The following ZNF704 variants were observed in gnomAD, a reference collection of about 807,000 sequenced individuals.
The protein encoded by ZNF704 is glucocorticoid induced gene 1.
A neutral mutation model predicts 44.7 loss-of-function variants in ZNF704; 10 were observed. The observed-to-expected ratio is 0.22, with a 90% CI of 0.14 to 0.38. ZNF704 has a LOEUF of 0.38. Ranked by LOEUF, ZNF704 falls within the 10% of genes least tolerant of loss-of-function variation. ZNF704 has a pLI of 1.00. For missense variants in ZNF704, 390 were observed against 545.5 expected (o/e 0.71, Z 2.84); for synonymous variants, 211 against 207.6 (o/e 1.02, Z -0.14).
chr8:80,659,342 A>G (rs185975207), intron 7 of ZNF704, among the ~76,000 whole-genome samples: 1 of 152,350 alleles, frequency 6.6e-6, no homozygotes, highest in African/African-American at 2.4e-5. Flanking sequence ...AAATCTTGAT[A>G]TATTTCCAAC....
intron 2 of ZNF704, among the ~76,000 whole-genome samples, chr8:80,718,314 C>T (rs985724287): frequency 2.6e-5 from 4 of 152,130 alleles, no homozygotes; most frequent in Non-Finnish European, 5.9e-5. Flanking sequence ...CCCCCTAATG[C>T]TTTGAACTTT....
rs1221340563 is a variant in ZNF704 at position 80,631,938 on chromosome 8, G to GA, written c.*9427dup. 6.6e-6 allele frequency: 1 copy of GA among 152,150 alleles called. No individual in the cohort carries two copies. Among genetic ancestry groups the GA allele is most frequent in the Non-Finnish European group, 1.5e-5 (1 of 68,018 alleles). The allele number at this position is 152,150 out of a possible 1,614,324, so 9.4% of individuals were successfully genotyped here. ...ATGTCCCATCAGGGGCTTTGGAACT[G>GA]AAAAAACATTAACAACAGCCTGGCC... On this transcript the variant is annotated 3_prime_UTR_variant, in exon 9 of 9. Transcript: ENST00000327835.
intron 2 of ZNF704, among the ~76,000 whole-genome samples, chr8:80,798,181 G>A (rs1807838965): frequency 6.6e-6 from 1 of 151,940 alleles, no homozygotes; most frequent in Admixed American, 6.6e-5. Context: ...ATAACAAGAA[G>A]GGCCTTTACA....
chr8:80,645,693 T>A (rs1318425305), intron 7 of ZNF704, among the ~76,000 whole-genome samples: 1 of 152,140 alleles, frequency 6.6e-6, no homozygotes, highest in African/African-American at 2.4e-5. Context: ...CCCTGAGGCC[T>A]CCCCAGAAGC....
In ZNF704 at chr8:80,874,385, A is replaced by AGCCCGCGCGCGCCTCTCCCGGCCGGCTGC. The variant is rs1172998757; in HGVS notation, c.-22+157_-22+185dup. ...CTGCGCTCCATGCGGCCGGCGGCCGAGCCCGCGCGCGCCTCTCCCGGCCGG... is the reference window on the plus strand; with the variant it reads ...CTGCGCTCCATGCGGCCGGCGGCCGAGCCCGCGCGCGCCTCTCCCGGCCGGCTGCGCCCGCGCGCGCCTCTCCCGGCCGG... On this transcript the variant is annotated intron_variant, in intron 1 of 8. Transcript: ENST00000327835. This position sits in a 1 kb window ranked among gnomAD's most constrained non-coding sequence, Gnocchi z 4.4. Among the ~76,000 whole-genome samples, 10 of 146,370 alleles carry AGCCCGCGCGCGCCTCTCCCGGCCGGCTGC rather than the reference A, an allele frequency of 6.8e-5. No individual in the cohort carries two copies. Among genetic ancestry groups the AGCCCGCGCGCGCCTCTCCCGGCCGGCTGC allele is most frequent in the Admixed American group, 2.0e-4 (3 of 14,814 alleles).
At chr8:80,815,477 T>C (rs1808162280) in intron 2 of ZNF704, among the ~76,000 whole-genome samples, 1 of 152,246 alleles carries the variant, frequency 6.6e-6, no homozygotes, top group Non-Finnish European at 1.5e-5. Context: ...GAATAACAAA[T>C]GTCAGGCTCT....
At chr8:80,713,855 A>G (rs535306336) in intron 2 of ZNF704, among the ~76,000 whole-genome samples, 2 of 152,360 alleles carry the variant, frequency 1.3e-5, no homozygotes, top group South Asian at 4.1e-4. Context: ...TGATGCTGAC[A>G]TCGAGTAGAA....
chr8:80,754,624 C>CA (rs1037194553), intron 2 of ZNF704, among the ~76,000 whole-genome samples: 1 of 152,124 alleles, frequency 6.6e-6, no homozygotes, highest in Non-Finnish European at 1.5e-5. Context: ...TGCTGCCAAA[C>CA]AAAAAACCAT....
At chr8:80,755,694 A>G (rs919671295) in intron 2 of ZNF704, among the ~76,000 whole-genome samples, 8 of 152,192 alleles carry the variant, frequency 5.3e-5, no homozygotes, top group African/African-American at 1.9e-4. Context: ...CTTGAGAACC[A>G]TGGCTTCACA....
chr8:80,796,977 G>GAGAGAAGGAA (rs1270787745), intron 2 of ZNF704, among the ~76,000 whole-genome samples: 2 of 137,160 alleles, frequency 1.5e-5, no homozygotes, highest in Non-Finnish European at 3.2e-5. Flanking sequence ...GGGAGGGAGG[G>GAGAGAAGGAA]AGGGAGGGAG....
intron 1 of ZNF704, among the ~76,000 whole-genome samples, chr8:80,827,939 T>C (rs1020164612): frequency 2.0e-5 from 3 of 152,216 alleles, no homozygotes; most frequent in African/African-American, 7.2e-5. Context: ...GATTAAAGAC[T>C]TCAATGTTAG....
intron 2 of ZNF704, among the ~76,000 whole-genome samples, chr8:80,805,839 A>G (rs757521312): frequency 1.1e-4 from 16 of 139,206 alleles, no homozygotes; most frequent in Non-Finnish European, 2.2e-4. Context: ...TAGGATTCTC[A>G]CTTGGCTCCT....
intron 2 of ZNF704, among the ~76,000 whole-genome samples, chr8:80,770,179 G>A (rs539653437): frequency 6.6e-6 from 1 of 152,126 alleles, no homozygotes; most frequent in African/African-American, 2.4e-5. Flanking sequence ...TTTCAGTGGG[G>A]ACATAGCCAA....
chr8:80,732,904 A>C (rs1171687491), intron 2 of ZNF704, among the ~76,000 whole-genome samples: 1 of 150,720 alleles, frequency 6.6e-6, no homozygotes, highest in East Asian at 1.9e-4. Flanking sequence ...CAGTGAGCCA[A>C]GATTGCACCA....
chr8:80,840,681 C>A (rs1462082777), intron 1 of ZNF704, among the ~76,000 whole-genome samples: 1 of 152,140 alleles, frequency 6.6e-6, no homozygotes, highest in African/African-American at 2.4e-5. Context: ...GTCTTTACTT[C>A]CCTACCTCCT....
At chr8:80,690,066 A>T (rs1818606782) in intron 3 of ZNF704, among the ~76,000 whole-genome samples, 1 of 152,132 alleles carries the variant, frequency 6.6e-6, no homozygotes, top group Non-Finnish European at 1.5e-5. Flanking sequence ...TTCCTAAAAA[A>T]AAAAAAAGCC....
intron 7 of ZNF704, among the ~76,000 whole-genome samples, chr8:80,647,495 G>C (rs1468202673): frequency 6.6e-6 from 1 of 152,216 alleles, no homozygotes; most frequent in African/African-American, 2.4e-5. Flanking sequence ...GCTTTAAACA[G>C]ATCACTTTGG....
intron 1 of ZNF704, among the ~76,000 whole-genome samples, chr8:80,843,820 GAACA>G (rs1022881797): frequency 2.6e-5 from 4 of 151,846 alleles, no homozygotes; most frequent in Non-Finnish European, 1.5e-5. Context: ...AGATAATAAG[GAACA>G]AATATATTTT....
At position 80,640,531 on chromosome 8, in the gene ZNF704, T is replaced by C. The variant is rs1563500107; in HGVS notation, c.*835A>G. 1.3e-5 allele frequency: 2 copies of C among 152,224 alleles called. No homozygotes were observed. The highest frequency in any genetic ancestry group is 2.1e-4 in the South Asian group (1 of 4,834). The allele number at this position is 152,224 out of a possible 1,614,324, so 9.4% of individuals were successfully genotyped here. On this transcript the variant is annotated 3_prime_UTR_variant, in exon 9 of 9. Transcript: ENST00000327835. ...AAAGAAGCATCGAGGCTTACCCAGA[T>C]GGCTACAGGTGCCAATTCTTGACTG...
Sources: allele counts gnomAD v4.1 joint callset (sites outside exome capture counted in the v4.1 genomes callset), GRCh38; gene constraint gnomAD v4.1.1; non-coding constraint Gnocchi (gnomAD v3.1); transcripts MANE v1.5; gene names NCBI Gene and HGNC (gene_info 2026-07-23, HGNC 2026-07-21).